Variants in CLASP2 observed in about 807,000 individuals in gnomAD.
The protein encoded by CLASP2 is CLIP-associating protein 2.
A neutral mutation model predicts 194.4 loss-of-function variants in CLASP2; 47 were observed. The observed-to-expected ratio is 0.24, with a 90% CI of 0.19 to 0.31. The LOEUF (loss-of-function observed/expected upper bound fraction) is 0.31, where lower values mean the gene tolerates loss of function less well. CLASP2 is among the 10% of genes least tolerant of loss of function. CLASP2 has a pLI of 1.00. For missense variants in CLASP2, 1,445 were observed against 1,823.6 expected (o/e 0.79, Z 3.78); for synonymous variants, 619 against 633.5 (o/e 0.98, Z 0.34).
At chr3:33,573,826 T>C (rs981762313) in intron 24 of CLASP2, among the ~76,000 whole-genome samples, 3 of 152,274 alleles carry the variant, frequency 2.0e-5, no homozygotes, top group Non-Finnish European at 4.4e-5. Context: ...ATTCTCCTTT[T>C]ACCTCCATTA....
chr3:33,672,755 A>G (rs1327544622), intron 6 of CLASP2, among the ~76,000 whole-genome samples: 1 of 152,256 alleles, frequency 6.6e-6, no homozygotes, highest in African/African-American at 2.4e-5. Context: ...AAAGGAGCTG[A>G]TGGAGCTGAA....
At chr3:33,576,608 G>A (rs941956911) in intron 23 of CLASP2, among the ~76,000 whole-genome samples, 1 of 152,030 alleles carries the variant, frequency 6.6e-6, no homozygotes, top group Non-Finnish European at 1.5e-5. Flanking sequence ...TCATCCATAC[G>A]GCTGAATCAC....
chr3:33,676,940 A>G (rs1461777611), intron 6 of CLASP2, among the ~76,000 whole-genome samples: 2 of 152,208 alleles, frequency 1.3e-5, no homozygotes, highest in African/African-American at 2.4e-5. Flanking sequence ...GCAGCCAAAA[A>G]ACACATGAAA....
intron 6 of CLASP2, among the ~76,000 whole-genome samples, chr3:33,666,501 T>C (rs984022160): frequency 7.2e-5 from 11 of 152,222 alleles, no homozygotes; most frequent in Non-Finnish European, 1.6e-4. Flanking sequence ...GCTTCTTTCA[T>C]GAATGTTTTC....
intron 37 of CLASP2, chr3:33,504,161 C>G (rs2047517669): frequency 6.6e-6 from 1 of 152,110 alleles, no homozygotes. Flanking sequence ...CTGAGATGAA[C>G]AAAAGTTATT....
chr3:33,641,545 A>T (rs2081295467), intron 8 of CLASP2, among the ~76,000 whole-genome samples: 1 of 151,958 alleles, frequency 6.6e-6, no homozygotes, highest in Non-Finnish European at 1.5e-5. Flanking sequence ...ATGAGAAGAA[A>T]AGGGTGGCAT....
At chr3:33,646,763 G>A (rs1330225904) in intron 7 of CLASP2, among the ~76,000 whole-genome samples, 1 of 151,972 alleles carries the variant, frequency 6.6e-6, no homozygotes, top group African/African-American at 2.4e-5. Context: ...TAAGTACACA[G>A]CTAATTAATT....
intron 34 of CLASP2, among the ~76,000 whole-genome samples, chr3:33,531,062 C>T (rs2056181564): frequency 6.6e-6 from 1 of 152,164 alleles, no homozygotes; most frequent in South Asian, 2.1e-4. Flanking sequence ...ACTCATACTT[C>T]TCCCTGATTT....
chr3:33,648,418 C>T lies in CLASP2; in HGVS notation c.716-3515G>A, dbSNP rs113900201. On this transcript the variant is annotated intron_variant, in intron 7 of 38. Coordinates refer to ENST00000682230, the MANE Select transcript of CLASP2 (RefSeq NM_001365631.1). ...AGAGAGATGTTTAATAATGAGAAAG[C>T]GGTTATTCCACGGGAAAAAAATCAG... Among the ~76,000 whole-genome samples the T allele has an allele frequency of 6.5e-3, 991 of 151,966 alleles. 9 individuals are homozygous for T. Among genetic ancestry groups the T allele is most frequent in the African/African-American group, 0.022 (894 of 41,452 alleles).
chr3:33,663,661 C>G, intron 6 of CLASP2, 146 bp from the exon 7 acceptor site: 1 of 601,764 alleles, frequency 1.7e-6, no homozygotes, highest in Non-Finnish European at 2.9e-6. Flanking sequence ...AATTAACGCA[C>G]TGAAAGAAGA....
At chr3:33,692,288 C>T (rs1300383599) in intron 2 of CLASP2, among the ~76,000 whole-genome samples, 1 of 152,066 alleles carries the variant, frequency 6.6e-6, no homozygotes, top group African/African-American at 2.4e-5. Flanking sequence ...ATTTTAACAA[C>T]CATATAACAA....
chr3:33,607,000 C>T (rs991592100), intron 15 of CLASP2, among the ~76,000 whole-genome samples: 3 of 152,188 alleles, frequency 2.0e-5, no homozygotes, highest in Admixed American at 2.0e-4. Flanking sequence ...CTTGGGTAAA[C>T]CCCTAAGTGT....
chr3:33,606,629 T>C lies in CLASP2; in HGVS notation c.1656A>G (p.Gln552=), dbSNP rs1308290702. The stretch of plus-strand genomic sequence containing the variant: ...GTGAGCTGGATGAGGACCTGTCTGA[T>C]TGTGGAAGAGATGCTACACTGCCAG... ...KSSGSVASLP[Q]SDRSSSSSQE... The change falls in exon 16 of 39, where the codon CAA becomes CAG. Residue 552 remains glutamine, a synonymous_variant. Transcript: ENST00000682230. 2.5e-6 allele frequency: 4 copies of C among 1,613,726 alleles called. No homozygotes were observed. Among genetic ancestry groups the C allele is most frequent in the South Asian group, 1.1e-5 (1 of 91,052 alleles).
intron 18 of CLASP2, among the ~76,000 whole-genome samples, chr3:33,598,051 C>T (rs571868769): frequency 6.4e-4 from 98 of 152,270 alleles, no homozygotes; most frequent in African/African-American, 2.0e-3. Context: ...CTGTGCCCAG[C>T]CCACATTGCT....
intron 7 of CLASP2, among the ~76,000 whole-genome samples, chr3:33,654,469 C>T (rs375309855): frequency 2.0e-5 from 3 of 151,886 alleles, no homozygotes; most frequent in Non-Finnish European, 2.9e-5. Flanking sequence ...AACTTGAAAG[C>T]GAAGACAAAA....
At chr3:33,691,338 G>A (rs769112759) in intron 2 of CLASP2, among the ~76,000 whole-genome samples, 12 of 152,108 alleles carry the variant, frequency 7.9e-5, no homozygotes, top group East Asian at 3.9e-4. Context: ...AATTAAATGT[G>A]TATATAATTT....
At chr3:33,594,578 T>G (rs2069713163) in intron 20 of CLASP2, among the ~76,000 whole-genome samples, 1 of 151,742 alleles carries the variant, frequency 6.6e-6, no homozygotes, top group African/African-American at 2.4e-5. Flanking sequence ...GCATGATCTC[T>G]CAAAGTATAA....
At chr3:33,574,366 AT>A (rs1429176253) in intron 24 of CLASP2, 10 of 680,068 alleles carry the variant, frequency 1.5e-5, no homozygotes, top group Non-Finnish European at 2.4e-5. Context: ...ATGTCTAAGG[AT>A]TTTACTTCTA....
chr3:33,544,143 C>G (rs1023890369), intron 31 of CLASP2, among the ~76,000 whole-genome samples: 1 of 152,032 alleles, frequency 6.6e-6, no homozygotes, highest in African/African-American at 2.4e-5. Context: ...TTATTTCATA[C>G]CAGTAAAAAA....
Sources: gnomAD v4.1 joint callset for allele counts (sites outside exome capture counted in the v4.1 genomes callset) on GRCh38, gnomAD v4.1.1 for gene constraint, MANE v1.5 for transcripts, NCBI Gene and HGNC (gene_info 2026-07-23, HGNC 2026-07-21) for gene names.